The following PLSCR4 variants were observed in gnomAD, a reference collection of about 807,000 sequenced individuals.
The protein encoded by PLSCR4 is Ca(2+)-dependent phospholipid scramblase 4.
In PLSCR4, 25 loss-of-function variants were observed where a neutral mutation model predicts 36.3. The ratio of observed to expected loss-of-function variants is 0.69; its 90% CI spans 0.50 to 0.96. PLSCR4 has a LOEUF of 0.96. Among genes scored for constraint, PLSCR4 ranks in the 40% least tolerant of loss-of-function variants. The pLI is 0.00. For synonymous variants in PLSCR4, 122 were observed against 132.9 expected (o/e 0.92, Z 0.56); for missense variants, 408 against 414.7 (o/e 0.98, Z 0.14).
intron 3 of PLSCR4, among the ~76,000 whole-genome samples, chr3:146,214,698 T>C (rs2034812343): frequency 6.6e-6 from 1 of 152,164 alleles, no homozygotes; most frequent in Non-Finnish European, 1.5e-5. Context: ...TGCCATATGT[T>C]TCAAGAAGAA....
At chr3:146,244,265 A>G (rs993534996) in intron 1 of PLSCR4, among the ~76,000 whole-genome samples, 1 of 152,120 alleles carries the variant, frequency 6.6e-6, no homozygotes, top group East Asian at 1.9e-4. Context: ...TCTTCAGGCT[A>G]TATGTTTAAA....
At chr3:146,243,552 A>G (rs2036236314) in intron 1 of PLSCR4, among the ~76,000 whole-genome samples, 1 of 152,110 alleles carries the variant, frequency 6.6e-6, no homozygotes, top group Admixed American at 6.5e-5. Flanking sequence ...CAAAAATCCA[A>G]AACTTTCAGC....
chr3:146,208,665 C>G (rs1162204999), intron 3 of PLSCR4, among the ~76,000 whole-genome samples: 2 of 152,108 alleles, frequency 1.3e-5, no homozygotes, highest in Non-Finnish European at 2.9e-5. Context: ...TGAAAAAATA[C>G]TCAGCATCAC....
intron 1 of PLSCR4, among the ~76,000 whole-genome samples, chr3:146,235,919 C>T (rs538140299): frequency 3.9e-5 from 6 of 152,164 alleles, no homozygotes; most frequent in Admixed American, 1.3e-4. Flanking sequence ...ATGATGATTT[C>T]GGGTAACTAG....
chr3:146,194,448 A>C lies in PLSCR4; in HGVS notation c.953T>G (p.Met318Arg). 1 of 1,594,898 alleles carries C rather than the reference A, an allele frequency of 6.3e-7. No individual in the cohort carries two copies. The highest frequency in any genetic ancestry group is 8.6e-7 in the Non-Finnish European group (1 of 1,162,834). Residue 318 changes from methionine (M) to arginine (R), a missense_variant, in exon 9 of 9, where the codon ATG becomes AGG. Coordinates refer to ENST00000354952, the MANE Select transcript of PLSCR4 (RefSeq NM_020353.3). Reference protein sequence around the residue: ...IFGACFLIDFMYFERSPPQRS... With the variant: ...IFGACFLIDFRYFERSPPQRS... ...TTGTGGTGGAGATCTTTCAAAATACATGAAGTCCTGAAATTGGAAAAAGAA... is the reference window on the plus strand; with the variant it reads ...TTGTGGTGGAGATCTTTCAAAATACCTGAAGTCCTGAAATTGGAAAAAGAA...
At chr3:146,219,414 TAG>T (rs1392804496) in intron 3 of PLSCR4, among the ~76,000 whole-genome samples, 58 of 152,298 alleles carry the variant, frequency 3.8e-4, no homozygotes, top group African/African-American at 1.4e-3. Flanking sequence ...AGAGAAACGA[TAG>T]ATAAAGCATG....
At chr3:146,195,013 GCA>G (rs767580680) in intron 8 of PLSCR4, 109 bp downstream of exon 8, 31 of 835,832 alleles carry the variant, frequency 3.7e-5, no homozygotes, top group Non-Finnish European at 5.7e-5. Context: ...CTAGTAAGTG[GCA>G]CAGAGATAAG....
At chr3:146,219,824 C>T (rs1301905775) in intron 3 of PLSCR4, among the ~76,000 whole-genome samples, 2 of 152,056 alleles carry the variant, frequency 1.3e-5, no homozygotes, top group Admixed American at 1.3e-4. Context: ...CCTGTGATCC[C>T]AGCTACTCCG....
intron 3 of PLSCR4, among the ~76,000 whole-genome samples, chr3:146,209,580 G>A (rs2034517563): frequency 6.6e-6 from 1 of 151,988 alleles, no homozygotes; most frequent in South Asian, 2.1e-4. Flanking sequence ...CAATAAGTAT[G>A]AGAATGCCAT....
intron 1 of PLSCR4, among the ~76,000 whole-genome samples, chr3:146,224,238 G>A (rs1442842973): frequency 1.3e-5 from 2 of 152,124 alleles, no homozygotes; most frequent in Non-Finnish European, 2.9e-5. Flanking sequence ...ATGGTAGACT[G>A]AATAAATAAA....
intron 3 of PLSCR4, among the ~76,000 whole-genome samples, chr3:146,212,437 G>GTTTTTTTTT (rs56774201): frequency 7.0e-6 from 1 of 143,602 alleles, no homozygotes; most frequent in Non-Finnish European, 1.5e-5. Flanking sequence ...TTTTTGTTTT[G>GTTTTTTTTT]TTTTTTTTTG....
At chr3:146,202,082 C>T (rs2034076962) in intron 4 of PLSCR4, among the ~76,000 whole-genome samples, 1 of 151,858 alleles carries the variant, frequency 6.6e-6, no homozygotes. Context: ...TGATTAATTA[C>T]AGGAGGGTAC....
Position 146,193,513 on chromosome 3 carries a change from T to A in PLSCR4, c.*898A>T, listed in dbSNP as rs1449202153. 6.6e-6 allele frequency: 1 copy of A among 152,012 alleles called. No individual in the cohort carries two copies. Among genetic ancestry groups the A allele is most frequent in the East Asian group, 1.9e-4 (1 of 5,182 alleles). The allele number at this position is 152,012 out of a possible 1,614,324, so 9.4% of individuals were successfully genotyped here. A position where few individuals can be genotyped will look rare whatever the true frequency, so the allele number is the denominator to read the frequency against. On this transcript the variant is annotated 3_prime_UTR_variant, in exon 9 of 9. Transcript: ENST00000354952. Reference sequence around the variant, plus strand: ...TATCACATCAAATGAGATACAAAGGTGTACTAGGCAATCTTAGAGATCTGG... The same window carrying A: ...TATCACATCAAATGAGATACAAAGGAGTACTAGGCAATCTTAGAGATCTGG...
rs766735765 is a variant in PLSCR4 at position 146,206,521 on chromosome 3, A to T, written c.354+5T>A. The T allele has an allele frequency of 8.2e-6, 13 of 1,576,714 alleles. No homozygotes were observed. Among genetic ancestry groups the T allele is most frequent in the Admixed American group, 3.3e-5 (2 of 59,822 alleles). On this transcript the variant is annotated splice_donor_5th_base_variant and intron_variant, in intron 4 of 8. Transcript: ENST00000354952. Reference sequence around the variant, plus strand: ...AAGAAAATAATTTGTATTTTCATGGAGTACCTGAACTAAGTATTCCAGACC... The same window carrying T: ...AAGAAAATAATTTGTATTTTCATGGTGTACCTGAACTAAGTATTCCAGACC...
intron 1 of PLSCR4, among the ~76,000 whole-genome samples, chr3:146,247,154 C>T (rs2036371892): frequency 6.6e-6 from 1 of 152,136 alleles, no homozygotes; most frequent in East Asian, 1.9e-4. Flanking sequence ...TGCCTAATGA[C>T]AACAAGTTAA....
At position 146,232,625 on chromosome 3, in the gene PLSCR4, G is replaced by C. The variant is rs1392587750; in HGVS notation, c.-21-10533C>G. Among the ~76,000 whole-genome samples the C allele has an allele frequency of 2.0e-5, 3 of 152,214 alleles. No homozygotes were observed. The East Asian group carries it at 5.8e-4, about 29-fold the overall frequency. On this transcript the variant is annotated intron_variant, in intron 1 of 8. Coordinates refer to ENST00000354952, the MANE Select transcript of PLSCR4 (RefSeq NM_020353.3). ...CTATTGTGAATGGTATTGCATTCTTGATTTGGTTCCTGGTTTGGCCATTAC... is the reference window on the plus strand; with the variant it reads ...CTATTGTGAATGGTATTGCATTCTTCATTTGGTTCCTGGTTTGGCCATTAC...
chr3:146,239,539 A>T (rs1299384443), intron 1 of PLSCR4, among the ~76,000 whole-genome samples: 1 of 137,610 alleles, frequency 7.3e-6, no homozygotes, highest in Non-Finnish European at 1.6e-5. Context: ...AAAAAAAAAA[A>T]CTTGGACCCC....
At chr3:146,244,295 T>C (rs546602779) in intron 1 of PLSCR4, among the ~76,000 whole-genome samples, 26 of 152,270 alleles carry the variant, frequency 1.7e-4, no homozygotes, top group African/African-American at 5.8e-4. Flanking sequence ...AACATGAATT[T>C]CATGTTTACT....
chr3:146,241,627 A>C (rs1168828070), intron 1 of PLSCR4, among the ~76,000 whole-genome samples: 1 of 152,154 alleles, frequency 6.6e-6, no homozygotes, highest in Non-Finnish European at 1.5e-5. Flanking sequence ...GCAGAGGAAA[A>C]ATCAGCAATG....
Sources: gnomAD v4.1 joint callset for allele counts (sites outside exome capture counted in the v4.1 genomes callset) on GRCh38, gnomAD v4.1.1 for gene constraint, MANE v1.5 for transcripts, NCBI Gene and HGNC (gene_info 2026-07-23, HGNC 2026-07-21) for gene names.